The following LSAMP variants were observed in gnomAD, a reference collection of about 807,000 sequenced individuals.
LSAMP encodes the protein limbic system associated membrane protein, also known as limbic system-associated membrane protein.
In LSAMP, 7 loss-of-function variants were observed where a neutral mutation model predicts 38.6. That is an observed-to-expected ratio of 0.18 (90% CI 0.10 to 0.34). The LOEUF (loss-of-function observed/expected upper bound fraction) is 0.34, where lower values mean the gene tolerates loss of function less well. LSAMP is among the 10% of genes least tolerant of loss of function. The pLI, the probability that LSAMP is intolerant of heterozygous loss-of-function variation, is 1.00. For missense variants in LSAMP, 313 were observed against 420.0 expected (o/e 0.75, Z 2.23); for synonymous variants, 154 against 166.8 (o/e 0.92, Z 0.59).
At chr3:116,053,656 C>A (rs768424198) in intron 2 of LSAMP, among the ~76,000 whole-genome samples, 1 of 151,932 alleles carries the variant, frequency 6.6e-6, no homozygotes, top group South Asian at 2.1e-4. Flanking sequence ...TAGTTTGATA[C>A]GACTGAAACA....
At chr3:115,858,381 G>A (rs574813913) in intron 3 of LSAMP, among the ~76,000 whole-genome samples, 2 of 152,214 alleles carry the variant, frequency 1.3e-5, no homozygotes, top group Admixed American at 1.3e-4. Flanking sequence ...TATAGTACCT[G>A]TCTTTCCTTT....
At chr3:116,395,145 A>G (rs2048752810) in intron 1 of LSAMP, among the ~76,000 whole-genome samples, 1 of 152,076 alleles carries the variant, frequency 6.6e-6, no homozygotes, top group Admixed American at 6.5e-5. Flanking sequence ...TGACCTGTAC[A>G]TTCATTTCTT....
At chr3:115,876,933 C>T (rs149810070) in intron 3 of LSAMP, among the ~76,000 whole-genome samples, 1 of 152,118 alleles carries the variant, frequency 6.6e-6, no homozygotes, top group East Asian at 1.9e-4. Flanking sequence ...ACTGTCCACA[C>T]TCTCTCCCCT....
At chr3:115,845,185 C>A (rs1185661690) in intron 4 of LSAMP, among the ~76,000 whole-genome samples, 1 of 152,134 alleles carries the variant, frequency 6.6e-6, no homozygotes, top group Non-Finnish European at 1.5e-5. Context: ...AGTAAGACGA[C>A]CAGCAGTAGA....
chr3:115,911,238 G>A (rs1937126912), intron 3 of LSAMP, among the ~76,000 whole-genome samples: 2 of 152,234 alleles, frequency 1.3e-5, no homozygotes, highest in African/African-American at 2.4e-5. Flanking sequence ...TCTTCTTATT[G>A]CTATGTAGTG....
chr3:116,151,830 T>C (rs1709618871), intron 1 of LSAMP, among the ~76,000 whole-genome samples: 1 of 152,054 alleles, frequency 6.6e-6, no homozygotes, highest in African/African-American at 2.4e-5. Context: ...TGGTAGCCAC[T>C]TGCTTCTCAA....
intron 1 of LSAMP, among the ~76,000 whole-genome samples, chr3:116,107,964 G>T (rs572696454): frequency 1.3e-5 from 2 of 152,098 alleles, no homozygotes; most frequent in Non-Finnish European, 2.9e-5. Context: ...TAAAATGGGG[G>T]AATTGTAAGG....
At chr3:116,248,509 G>GTC (rs1424486643) in intron 1 of LSAMP, among the ~76,000 whole-genome samples, 11 of 151,542 alleles carry the variant, frequency 7.3e-5, no homozygotes, top group African/African-American at 2.7e-4. Flanking sequence ...GTGTGTGTGT[G>GTC]TGTGTGTGTG....
chr3:115,881,994 C>T (rs1259960183), intron 3 of LSAMP, among the ~76,000 whole-genome samples: 1 of 152,190 alleles, frequency 6.6e-6, no homozygotes, highest in East Asian at 1.9e-4. Context: ...TTTCCCTGCT[C>T]CCAAGTGATT....
At chr3:116,415,134 A>G (rs2049032400) in intron 1 of LSAMP, among the ~76,000 whole-genome samples, 1 of 152,094 alleles carries the variant, frequency 6.6e-6, no homozygotes, top group African/African-American at 2.4e-5. Context: ...CAGATTTGTG[A>G]GATCAGAGCA....
At chr3:115,818,822 A>ATATATATATATATATAT (rs55828725) in intron 6 of LSAMP, among the ~76,000 whole-genome samples, 371 of 124,866 alleles carry the variant, frequency 3.0e-3, no homozygotes, top group East Asian at 6.8e-3. Context: ...ATATATATAT[A>ATATATATATATATATAT]ACTGCAGCAA....
intron 1 of LSAMP, among the ~76,000 whole-genome samples, chr3:116,204,222 T>A (rs935251362): frequency 4.0e-5 from 6 of 151,856 alleles, no homozygotes; most frequent in Admixed American, 3.9e-4. Flanking sequence ...TCTGTTCATG[T>A]CCTTCGCCCA....
intron 1 of LSAMP, among the ~76,000 whole-genome samples, chr3:116,343,455 A>G (rs1186085898): frequency 5.3e-5 from 8 of 152,166 alleles, no homozygotes; most frequent in Non-Finnish European, 8.8e-5. Context: ...CTAATGGTAA[A>G]GAAAATAGCT....
intron 6 of LSAMP, among the ~76,000 whole-genome samples, chr3:115,811,795 A>G (rs895197138): frequency 3.3e-5 from 5 of 152,226 alleles, no homozygotes; most frequent in African/African-American, 1.2e-4. Flanking sequence ...TTACTACACG[A>G]TTTTGTCACA....
intron 1 of LSAMP, among the ~76,000 whole-genome samples, chr3:116,350,496 C>T (rs1258618014): frequency 6.6e-6 from 1 of 152,050 alleles, no homozygotes; most frequent in East Asian, 1.9e-4. Context: ...AATCTCAGAT[C>T]AATCTTGTTC....
intron 3 of LSAMP, among the ~76,000 whole-genome samples, chr3:115,973,504 G>A (rs1383650450): frequency 3.3e-5 from 5 of 151,954 alleles, no homozygotes; most frequent in South Asian, 2.1e-4. Flanking sequence ...AGGCTGAGGC[G>A]GGTGGATCAC....
At chr3:115,987,131 C>T (rs1034436773) in intron 3 of LSAMP, among the ~76,000 whole-genome samples, 6 of 151,922 alleles carry the variant, frequency 3.9e-5, no homozygotes, top group African/African-American at 9.7e-5. Flanking sequence ...GCGCTGACTG[C>T]GACAGAAAAA....
intron 1 of LSAMP, among the ~76,000 whole-genome samples, chr3:116,263,304 G>A (rs1303216107): frequency 6.6e-6 from 1 of 152,126 alleles, no homozygotes; most frequent in African/African-American, 2.4e-5. Context: ...TTGGGAGGCC[G>A]AGGTGGGTGG....
intron 1 of LSAMP, among the ~76,000 whole-genome samples, chr3:116,432,039 C>T (rs41442746): frequency 0.19 from 29,390 of 151,802 alleles, 3,330 homozygotes; most frequent in African/African-American, 0.31. Flanking sequence ...TCTGACTCCC[C>T]TTACAATATA....
Sources: gnomAD v4.1 joint callset for allele counts (sites outside exome capture counted in the v4.1 genomes callset) on GRCh38, gnomAD v4.1.1 for gene constraint, MANE v1.5 for transcripts, NCBI Gene and HGNC (gene_info 2026-07-23, HGNC 2026-07-21) for gene names.